Variants in FBLN2 observed in about 807,000 individuals in gnomAD.
The protein encoded by FBLN2 is fibulin-2.
Under a neutral mutation model 123.7 loss-of-function variants are expected in FBLN2, and 81 were observed. The ratio of observed to expected loss-of-function variants is 0.65; its 90% CI spans 0.55 to 0.79. FBLN2 has a LOEUF of 0.79. Among genes scored for constraint, FBLN2 ranks in the 30% least tolerant of loss-of-function variants. The pLI, the probability that FBLN2 is intolerant of heterozygous loss-of-function variation, is 0.00. For missense variants in FBLN2, 1,603 were observed against 1,681.3 expected (o/e 0.95, Z 0.81); for synonymous variants, 699 against 701.4 (o/e 1.00, Z 0.05).
chr3:13,618,113 A>C lies in FBLN2; in HGVS notation c.1767A>C (p.Ser589=), dbSNP rs1267561141. ...AGATGGCGGGCCGAGAGGCCCTGTC[A>C]CTGGGCACAGAGGCCGAGCTGCCGA... ...EAEMAGREAL[S]LGTEAELPNS... Residue 589 remains serine (S), a synonymous_variant, in exon 6 of 18, where the codon TCA becomes TCC. Transcript: ENST00000404922. The C allele has an allele frequency of 6.2e-7, 1 of 1,613,474 alleles. No homozygotes were observed. Among genetic ancestry groups the C allele is most frequent in the Admixed American group, 1.7e-5 (1 of 60,038 alleles).
intron 2 of FBLN2, among the ~76,000 whole-genome samples, chr3:13,581,222 T>TGGGGGGGGG (rs138166929): frequency 2.1e-4 from 9 of 42,316 alleles, no homozygotes; most frequent in African/African-American, 4.1e-4. Flanking sequence ...AGGTGGGGGG[T>TGGGGGGGGG]GGGGGGGAGG....
chr3:13,584,914 G>A (rs1245710877), intron 2 of FBLN2, among the ~76,000 whole-genome samples: 1 of 152,224 alleles, frequency 6.6e-6, no homozygotes, highest in Admixed American at 6.5e-5. Context: ...GGGAACTTGA[G>A]CATGGAGCTC....
intron 2 of FBLN2, among the ~76,000 whole-genome samples, chr3:13,575,427 G>A (rs766370929): frequency 6.6e-6 from 1 of 152,020 alleles, no homozygotes; most frequent in Non-Finnish European, 1.5e-5. Flanking sequence ...CACACCAAAC[G>A]CTGCAGCTGC....
intron 1 of FBLN2, chr3:13,568,873 C>G (rs965526194): frequency 2.0e-6 from 2 of 985,684 alleles, no homozygotes; most frequent in African/African-American, 3.5e-5. Context: ...GGGAACCTGT[C>G]TTGCTGGCTG....
intron 5 of FBLN2, among the ~76,000 whole-genome samples, chr3:13,617,680 C>A (rs1222335145): frequency 7.5e-6 from 1 of 133,140 alleles, no homozygotes; most frequent in Non-Finnish European, 1.6e-5. Flanking sequence ...CCCACCCATC[C>A]ATCTAACCAT....
At chr3:13,561,975 C>A (rs182665647) in intron 1 of FBLN2, among the ~76,000 whole-genome samples, 4 of 152,290 alleles carry the variant, frequency 2.6e-5, no homozygotes, top group African/African-American at 9.6e-5. Flanking sequence ...AAATAAATAT[C>A]CCTGGAAACT....
At chr3:13,573,025 T>C (rs111258688) in intron 2 of FBLN2, among the ~76,000 whole-genome samples, 1 of 152,114 alleles carries the variant, frequency 6.6e-6, no homozygotes, top group African/African-American at 2.4e-5. Context: ...TCTGGGTGGA[T>C]AACCCTGTGC....
chr3:13,603,638 GA>G (rs1422643047), intron 2 of FBLN2, among the ~76,000 whole-genome samples: 1 of 152,072 alleles, frequency 6.6e-6, no homozygotes, highest in Non-Finnish European at 1.5e-5. Context: ...GTCTATCATT[GA>G]TGGACGTTTG....
At chr3:13,618,824 G>T in intron 6 of FBLN2, 80 bp from the exon 7 acceptor site, 1 of 940,830 alleles carries the variant, frequency 1.1e-6, no homozygotes, top group Admixed American at 2.2e-5. Context: ...TGTGAGAAGG[G>T]CAGGTGCCTG....
chr3:13,631,121 G>A (rs566976467), intron 15 of FBLN2, among the ~76,000 whole-genome samples: 60 of 152,324 alleles, frequency 3.9e-4, no homozygotes, highest in Middle Eastern at 3.4e-3. Flanking sequence ...TAGCAGTCAC[G>A]GAGCAGCCCT....
At position 13,624,293 on chromosome 3, in the gene FBLN2, C is replaced by T. The variant is rs187877493; in HGVS notation, c.2297-2152C>T. On this transcript the variant is annotated intron_variant, in intron 9 of 17. Transcript: ENST00000404922. ...AATGGGGCTTGCAGAACGATGTCCT[C>T]TAAACCACCTGACCCTGGTGAGCCT... 1.5e-3 allele frequency among the ~76,000 whole-genome samples: 226 copies of T among 152,340 alleles called. 1 individual carries two copies. Among genetic ancestry groups the T allele is most frequent in the Non-Finnish European group, 2.6e-3 (180 of 68,032 alleles).
At chr3:13,603,204 C>A (rs1705093954) in intron 2 of FBLN2, among the ~76,000 whole-genome samples, 1 of 150,710 alleles carries the variant, frequency 6.6e-6, no homozygotes, top group Non-Finnish European at 1.5e-5. Flanking sequence ...AGCCACTACG[C>A]CTGGCCTCCT....
intron 4 of FBLN2, 98 bp downstream of exon 4, chr3:13,609,740 T>A: frequency 1.4e-6 from 2 of 1,401,570 alleles, no homozygotes; most frequent in Non-Finnish European, 9.7e-7. Context: ...AGTTAGGCTG[T>A]CCTTGGGGCT....
At chr3:13,632,105 T>A (rs373657258) in intron 16 of FBLN2, among the ~76,000 whole-genome samples, 75 of 152,286 alleles carry the variant, frequency 4.9e-4, no homozygotes, top group Non-Finnish European at 8.5e-4. Context: ...TTAATGTTCC[T>A]CCTCTGCTAG....
intron 1 of FBLN2, among the ~76,000 whole-genome samples, chr3:13,553,418 G>A (rs1398639555): frequency 6.6e-6 from 1 of 152,166 alleles, no homozygotes; most frequent in Non-Finnish European, 1.5e-5. Flanking sequence ...AGCGACTGAG[G>A]AGGAAGAGCT....
intron 4 of FBLN2, among the ~76,000 whole-genome samples, chr3:13,613,472 T>C (rs1705470259): frequency 6.6e-6 from 1 of 152,240 alleles, no homozygotes; most frequent in South Asian, 2.1e-4. Context: ...TAATTATCTT[T>C]AACTTGTAGC....
Position 13,570,306 on chromosome 3 carries a change from T to C in FBLN2, c.-41-9T>C. Reference sequence around the variant, plus strand: ...CAGTACTGACAGGCTTCCTTTCTGATTCCCCCAGGGTCTTACAGGAGAGGG... The same window carrying C: ...CAGTACTGACAGGCTTCCTTTCTGACTCCCCCAGGGTCTTACAGGAGAGGG... On this transcript the variant is annotated splice_polypyrimidine_tract_variant and intron_variant, in intron 1 of 17. Coordinates refer to ENST00000404922, the MANE Select transcript of FBLN2 (RefSeq NM_001004019.2). 4.8e-6 allele frequency: 7 copies of C among 1,466,002 alleles called. No individual in the cohort carries two copies. The highest frequency in any genetic ancestry group is 4.2e-5 in the South Asian group (3 of 71,914). The allele number at this position is 1,466,002 out of a possible 1,614,324, so 90.8% of individuals were successfully genotyped here. A position where few individuals can be genotyped will look rare whatever the true frequency, so the allele number is the denominator to read the frequency against.
At chr3:13,600,499 C>T (rs1397390996) in intron 2 of FBLN2, among the ~76,000 whole-genome samples, 2 of 152,094 alleles carry the variant, frequency 1.3e-5, no homozygotes, top group African/African-American at 4.8e-5. Flanking sequence ...CCAGAGACGA[C>T]CTTCAGGATC....
intron 1 of FBLN2, among the ~76,000 whole-genome samples, chr3:13,555,195 A>G (rs1459611552): frequency 6.6e-6 from 1 of 151,784 alleles, no homozygotes; most frequent in East Asian, 1.9e-4. Context: ...CAGGTGATCC[A>G]CCTGTCTTGG....
Sources: allele counts gnomAD v4.1 joint callset (sites outside exome capture counted in the v4.1 genomes callset), GRCh38; gene constraint gnomAD v4.1.1; transcripts MANE v1.5; gene names NCBI Gene and HGNC (gene_info 2026-07-23, HGNC 2026-07-21).